CDH13: variants seen among roughly 807,000 people sequenced by gnomAD.
CDH13 encodes the protein cadherin 13.
CDH13 carries 24 observed loss-of-function variants against 63.8 expected under a neutral mutation model. The observed-to-expected ratio is 0.38, with a 90% CI of 0.27 to 0.53. CDH13 has a LOEUF of 0.53. Among genes scored for constraint, CDH13 ranks in the 20% least tolerant of loss-of-function variants. The pLI, the probability that CDH13 is intolerant of heterozygous loss-of-function variation, is 0.85. For missense variants in CDH13, 1,049 were observed against 903.1 expected, an observed-to-expected ratio of 1.16 and a Z score of -2.07; for synonymous variants, 503 against 355.3, an observed-to-expected ratio of 1.42 and a Z score of -4.67.
At chr16:83,404,365 T>A (rs560115400) in intron 6 of CDH13, among the ~76,000 whole-genome samples, 17 of 152,324 alleles carry the variant, frequency 1.1e-4, no homozygotes, top group African/African-American at 4.1e-4. Context: ...AACACATCTA[T>A]CCATTTGTTG....
At chr16:82,796,873 G>A (rs1044734182) in intron 1 of CDH13, among the ~76,000 whole-genome samples, 1 of 152,170 alleles carries the variant, frequency 6.6e-6, no homozygotes, top group African/African-American at 2.4e-5. Context: ...TTTCTCCAAC[G>A]GCTGCACCTG....
chr16:82,976,315 G>T (rs754739575), intron 2 of CDH13, among the ~76,000 whole-genome samples: 1 of 152,068 alleles, frequency 6.6e-6, no homozygotes, highest in Non-Finnish European at 1.5e-5. Context: ...GGTGGGGGCC[G>T]ATTCTTCTTG....
intron 2 of CDH13, among the ~76,000 whole-genome samples, chr16:82,900,576 C>G (rs1482351346): frequency 2.0e-5 from 3 of 152,142 alleles, no homozygotes; most frequent in Non-Finnish European, 4.4e-5. Flanking sequence ...ATAAATAAGC[C>G]TTAAACATGT....
intron 3 of CDH13, among the ~76,000 whole-genome samples, chr16:83,078,555 TCTC>T (rs1453213430): frequency 6.6e-6 from 1 of 152,132 alleles, no homozygotes; most frequent in Admixed American, 6.5e-5. Flanking sequence ...CAGAGGCACA[TCTC>T]CTGCTGTCCG....
chr16:82,628,243 G>T (rs1321274855), intron 1 of CDH13, among the ~76,000 whole-genome samples: 6 of 151,882 alleles, frequency 4.0e-5, no homozygotes, highest in Non-Finnish European at 8.8e-5. Context: ...CCTGCAAGTG[G>T]GTGGATAAGA....
intron 6 of CDH13, among the ~76,000 whole-genome samples, chr16:83,424,691 C>A (rs79311654): frequency 1.1e-3 from 173 of 152,278 alleles, no homozygotes; most frequent in African/African-American, 4.1e-3. Flanking sequence ...ATCTTTAGTC[C>A]TAGACAAATG....
At chr16:83,016,894 T>C (rs959187267) in intron 2 of CDH13, among the ~76,000 whole-genome samples, 1 of 152,232 alleles carries the variant, frequency 6.6e-6, no homozygotes, top group East Asian at 1.9e-4. Flanking sequence ...ATTGACATTC[T>C]GAAGTCCTTG....
chr16:83,739,598 A>G (rs1394764915), intron 10 of CDH13, among the ~76,000 whole-genome samples: 1 of 152,172 alleles, frequency 6.6e-6, no homozygotes, highest in Non-Finnish European at 1.5e-5. Context: ...GACAGCATGT[A>G]TCAGATCCAA....
chr16:82,991,698 C>A (rs773773022), intron 2 of CDH13, among the ~76,000 whole-genome samples: 1 of 152,108 alleles, frequency 6.6e-6, no homozygotes, highest in African/African-American at 2.4e-5. Context: ...GTGAACATTG[C>A]GTGTGGCACA....
At chr16:83,309,432 G>A (rs1219393366) in intron 5 of CDH13, among the ~76,000 whole-genome samples, 1 of 152,124 alleles carries the variant, frequency 6.6e-6, no homozygotes, top group African/African-American at 2.4e-5. Flanking sequence ...CTGGAGTGCA[G>A]TGGCATGATC....
intron 2 of CDH13, among the ~76,000 whole-genome samples, chr16:82,963,359 A>G (rs1419925640): frequency 6.6e-6 from 1 of 152,220 alleles, no homozygotes; most frequent in African/African-American, 2.4e-5. Flanking sequence ...AGCCTGGGCA[A>G]CAAGAGTGAA....
intron 7 of CDH13, among the ~76,000 whole-genome samples, chr16:83,585,693 G>T (rs374789971): frequency 6.6e-6 from 1 of 151,960 alleles, no homozygotes; most frequent in Non-Finnish European, 1.5e-5. Flanking sequence ...TTAGAGACTC[G>T]GTGGAGATTG....
intron 2 of CDH13, among the ~76,000 whole-genome samples, chr16:82,948,801 T>G (rs1302381310): frequency 6.6e-6 from 1 of 152,156 alleles, no homozygotes; most frequent in Non-Finnish European, 1.5e-5. Flanking sequence ...CTTCCTGGTT[T>G]GAATGTAACC....
At chr16:83,140,888 C>T (rs184718176) in intron 4 of CDH13, among the ~76,000 whole-genome samples, 1 of 152,292 alleles carries the variant, frequency 6.6e-6, no homozygotes, top group Non-Finnish European at 1.5e-5. Context: ...GAATGCCCAG[C>T]AATGTATTTT....
chr16:82,693,485 A>G (rs2029884903), intron 1 of CDH13, among the ~76,000 whole-genome samples: 3 of 152,186 alleles, frequency 2.0e-5, no homozygotes, highest in African/African-American at 7.2e-5. Context: ...TTAGGTCTAA[A>G]CACTTGAGCT....
At chr16:83,004,621 C>G (rs1913288410) in intron 2 of CDH13, among the ~76,000 whole-genome samples, 4 of 152,084 alleles carry the variant, frequency 2.6e-5, no homozygotes, top group Admixed American at 6.5e-5. Flanking sequence ...CCTCAGCTTC[C>G]CAAGCAGCTA....
In CDH13 at chr16:83,619,675, G is replaced by A. The variant is rs536764466; in HGVS notation, c.1101+17081G>A. On this transcript the variant is annotated intron_variant, in intron 8 of 13. Transcript: ENST00000567109. ...CCATCTACACCTGGCTTCTCCCCGT[G>A]CCCATGCCTGTGTCCACATTTCCTC... Among the ~76,000 whole-genome samples, 168 of 152,342 alleles carry A rather than the reference G, an allele frequency of 1.1e-3. 1 individual carries two copies. Among genetic ancestry groups the A allele is most frequent in the Non-Finnish European group, 1.9e-3 (128 of 68,036 alleles).
At chr16:83,370,854 C>A (rs2091353877) in intron 6 of CDH13, among the ~76,000 whole-genome samples, 1 of 152,116 alleles carries the variant, frequency 6.6e-6, no homozygotes, top group Admixed American at 6.5e-5. Flanking sequence ...TACCATATTT[C>A]TTTAATCCAG....
intron 2 of CDH13, among the ~76,000 whole-genome samples, chr16:83,027,169 G>T (rs1226039868): frequency 6.8e-6 from 1 of 146,446 alleles, no homozygotes; most frequent in Non-Finnish European, 1.5e-5. Context: ...GCTCTGGAGA[G>T]TAACTGAGCA....
Sources: allele counts gnomAD v4.1 joint callset (sites outside exome capture counted in the v4.1 genomes callset), GRCh38; gene constraint gnomAD v4.1.1; transcripts MANE v1.5; gene names NCBI Gene and HGNC (gene_info 2026-07-23, HGNC 2026-07-21).